Variants in CMTM6 observed in about 807,000 individuals in gnomAD.
CMTM6 encodes CKLF like MARVEL transmembrane domain containing 6, also known as CKLF-like MARVEL transmembrane domain-containing protein 6.
CMTM6 carries 5 observed loss-of-function variants against 13.6 expected under a neutral mutation model. The observed-to-expected ratio is 0.37, with a 90% CI of 0.19 to 0.77. CMTM6 has a LOEUF of 0.77. CMTM6 is among the 30% of genes least tolerant of loss of function. The probability of loss-of-function intolerance (pLI) is 0.50; values close to 1 mark genes in which losing one functional copy is unlikely to be tolerated. For missense variants in CMTM6, 196 were observed against 218.6 expected, an observed-to-expected ratio of 0.90 and a Z score of 0.65; for synonymous variants, 99 against 84.5, an observed-to-expected ratio of 1.17 and a Z score of -0.94.
At chr3:32,497,460 G>A (rs971438704) in intron 1 of CMTM6, among the ~76,000 whole-genome samples, 4 of 149,442 alleles carry the variant, frequency 2.7e-5, no homozygotes, top group African/African-American at 9.8e-5. Flanking sequence ...TACTCATACC[G>A]TGACACCTGG....
rs535956550 is a variant in CMTM6 at position 32,502,789 on chromosome 3, T to C, written c.-44A>G. The C allele has an allele frequency of 2.9e-6, 4 of 1,395,040 alleles. No individual in the cohort carries two copies. The Admixed American group carries it at 9.5e-5, about 33-fold the overall frequency. 86.4% of individuals were successfully genotyped at this position (1,395,040 alleles called of 1,614,324 possible). On this transcript the variant is annotated 5_prime_UTR_variant, in exon 1 of 4. Transcript: ENST00000205636. ...GCGGCGGCCGCAGCAACCGCGCCGT[T>C]GACTTCTCGGACTCCAGAAGTCCCC...
intron 1 of CMTM6, among the ~76,000 whole-genome samples, chr3:32,492,467 T>C (rs992255974): frequency 3.9e-5 from 6 of 152,198 alleles, no homozygotes; most frequent in African/African-American, 1.4e-4. Flanking sequence ...CAGATCTAAA[T>C]GTCCTCGTTA....
At chr3:32,490,949 G>T (rs1457566529) in intron 2 of CMTM6, among the ~76,000 whole-genome samples, 1 of 151,878 alleles carries the variant, frequency 6.6e-6, no homozygotes, top group Admixed American at 6.6e-5. Context: ...ATATTAATCT[G>T]TAAAAAAGAA....
At chr3:32,489,269 CAAA>C (rs34775532) in intron 2 of CMTM6, among the ~76,000 whole-genome samples, 6 of 94,664 alleles carry the variant, frequency 6.3e-5, no homozygotes, top group Non-Finnish European at 2.0e-5. Flanking sequence ...GACTCCATCT[CAAA>C]AAAAAAAAAA....
chr3:32,485,915 T>C (rs577781665), intron 3 of CMTM6, among the ~76,000 whole-genome samples: 13 of 152,366 alleles, frequency 8.5e-5, no homozygotes, highest in Non-Finnish European at 1.8e-4. Context: ...TCTCACTCTG[T>C]CACTTACACT....
intron 3 of CMTM6, among the ~76,000 whole-genome samples, chr3:32,486,402 G>T (rs895624475): frequency 8.7e-6 from 1 of 115,372 alleles, no homozygotes; most frequent in African/African-American, 4.1e-5. Context: ...TATTTACATG[G>T]AGTAAGACTA....
Position 32,502,811 on chromosome 3 carries a change from C to T in CMTM6, c.-66G>A, listed in dbSNP as rs949993232. 1 of 1,358,096 alleles carries T rather than the reference C, an allele frequency of 7.4e-7. No individual in the cohort carries two copies. The highest frequency in any genetic ancestry group is 9.5e-7 in the Non-Finnish European group (1 of 1,055,428). 84.1% of individuals were successfully genotyped at this position (1,358,096 alleles called of 1,614,324 possible). A position where few individuals can be genotyped will look rare whatever the true frequency, so the allele number is the denominator to read the frequency against. ...CGTTGACTTCTCGGACTCCAGAAGT[C>T]CCCGGTAGCCGGGAGGCGGCCGTCA... On this transcript the variant is annotated 5_prime_UTR_variant, in exon 1 of 4. Coordinates refer to ENST00000205636, the MANE Select transcript of CMTM6 (RefSeq NM_017801.3).
intron 3 of CMTM6, among the ~76,000 whole-genome samples, chr3:32,486,090 C>G (rs563063602): frequency 1.6e-3 from 245 of 152,328 alleles, no homozygotes; most frequent in African/African-American, 5.8e-3. Context: ...ATTGGCCAAG[C>G]TGGTCTCAAA....
At chr3:32,492,052 G>A (rs1207902956) in intron 1 of CMTM6, among the ~76,000 whole-genome samples, 166 bp from the exon 2 acceptor site, 2 of 152,162 alleles carry the variant, frequency 1.3e-5, no homozygotes, top group Non-Finnish European at 2.9e-5. Context: ...CAGTTTGGCC[G>A]CCTTGAAGGA....
chr3:32,494,887 G>A (rs574953529), intron 1 of CMTM6, among the ~76,000 whole-genome samples: 2 of 152,280 alleles, frequency 1.3e-5, no homozygotes, highest in Admixed American at 1.3e-4. Context: ...GTAGCACAGG[G>A]AAGCCTCTGC....
chr3:32,491,619 G>T, intron 2 of CMTM6, 91 bp downstream of exon 2: 2 of 1,148,380 alleles, frequency 1.7e-6, no homozygotes, highest in East Asian at 2.5e-5. Flanking sequence ...TCATGTTGCT[G>T]AGTTTTGAAA....
Position 32,482,286 on chromosome 3 carries a change from G to A in CMTM6, c.*1674C>T, listed in dbSNP as rs1052939754. 2 of 151,876 alleles carry A rather than the reference G, an allele frequency of 1.3e-5. No individual in the cohort carries two copies. The highest frequency in any genetic ancestry group is 2.4e-5 in the African/African-American group (1 of 41,310). 9.4% of individuals were successfully genotyped at this position (151,876 alleles called of 1,614,324 possible). On this transcript the variant is annotated 3_prime_UTR_variant, in exon 4 of 4. Coordinates refer to ENST00000205636, the MANE Select transcript of CMTM6 (RefSeq NM_017801.3). Reference sequence around the variant, plus strand: ...AGTAAGACAGAGCAGAAGCTATGTTGGGCCATACTGACCAATTTCTGAGAA... The same window carrying A: ...AGTAAGACAGAGCAGAAGCTATGTTAGGCCATACTGACCAATTTCTGAGAA...
At chr3:32,497,493 GTTTTA>G (rs1332391419) in intron 1 of CMTM6, among the ~76,000 whole-genome samples, 1 of 150,856 alleles carries the variant, frequency 6.6e-6, no homozygotes, top group Non-Finnish European at 1.5e-5. Flanking sequence ...TGGGAAAGTG[GTTTTA>G]TTTTAATATT....
chr3:32,487,777 A>G (rs1200499202), intron 3 of CMTM6, 161 bp downstream of exon 3: 1 of 510,084 alleles, frequency 2.0e-6, no homozygotes, highest in African/African-American at 1.9e-5. Context: ...TTTAAAGGCT[A>G]TCATATTGAT....
At chr3:32,489,673 G>A (rs1260082550) in intron 2 of CMTM6, among the ~76,000 whole-genome samples, 1 of 150,636 alleles carries the variant, frequency 6.6e-6, no homozygotes, top group African/African-American at 2.4e-5. Context: ...AAAAAAAAAA[G>A]AGGTTTTCTC....
intron 1 of CMTM6, among the ~76,000 whole-genome samples, chr3:32,499,794 T>G (rs1218045813): frequency 6.6e-6 from 1 of 151,540 alleles, no homozygotes; most frequent in Non-Finnish European, 1.5e-5. Flanking sequence ...ATAGAGAAGT[T>G]ACGTTCTTTT....
intron 1 of CMTM6, 41 bp downstream of exon 1, chr3:32,502,567 G>A (rs1471364483): frequency 6.4e-7 from 1 of 1,563,776 alleles, no homozygotes; most frequent in East Asian, 2.4e-5. Context: ...GCCAGACCCC[G>A]CTCCCCAGCC....
At chr3:32,496,755 C>T (rs3773777) in intron 1 of CMTM6, among the ~76,000 whole-genome samples, 10,460 of 152,048 alleles carry the variant, frequency 0.069, 384 homozygotes, top group Middle Eastern at 0.082. Context: ...AGACAGAGGA[C>T]ATTCTAATTC....
At position 32,483,327 on chromosome 3, in the gene CMTM6, T is replaced by C. The variant is rs1476148389; in HGVS notation, c.*633A>G. On this transcript the variant is annotated 3_prime_UTR_variant, in exon 4 of 4. Transcript: ENST00000205636. Reference sequence around the variant, plus strand: ...CTTTTATACACATAAAATACCAACATCTCCCATACATTTTATAGGCTATAC... The same window carrying C: ...CTTTTATACACATAAAATACCAACACCTCCCATACATTTTATAGGCTATAC... The C allele has an allele frequency of 1.3e-5, 2 of 152,562 alleles. No individual in the cohort carries two copies. Among genetic ancestry groups the C allele is most frequent in the Non-Finnish European group, 2.9e-5 (2 of 68,044 alleles). The allele number at this position is 152,562 out of a possible 1,614,324, so 9.5% of individuals were successfully genotyped here. A position where few individuals can be genotyped will look rare whatever the true frequency, so the allele number is the denominator to read the frequency against.
Sources: allele counts gnomAD v4.1 joint callset (sites outside exome capture counted in the v4.1 genomes callset), GRCh38; gene constraint gnomAD v4.1.1; transcripts MANE v1.5; gene names NCBI Gene and HGNC (gene_info 2026-07-23, HGNC 2026-07-21).